PKHD1: variants seen among roughly 807,000 people sequenced by gnomAD.
PKHD1 encodes the protein fibrocystin.
Under a neutral mutation model 412.0 loss-of-function variants are expected in PKHD1, and 291 were observed. That is an observed-to-expected ratio of 0.71 (90% CI 0.64 to 0.78). The LOEUF (loss-of-function observed/expected upper bound fraction) is 0.78. Among genes scored for constraint, PKHD1 ranks in the 30% least tolerant of loss-of-function variants. PKHD1 has a pLI of 0.00. For synonymous variants in PKHD1, 1,777 were observed against 1,821.5 expected (o/e 0.98, Z 0.62); for missense variants, 4,825 against 4,950.7 (o/e 0.97, Z 0.76).
At chr6:51,692,054 C>T (rs942100758) in intron 60 of PKHD1, among the ~76,000 whole-genome samples, 2 of 152,078 alleles carry the variant, frequency 1.3e-5, no homozygotes, top group Admixed American at 6.6e-5. Flanking sequence ...CCTTTCTGGG[C>T]TTCCTCCCAT....
chr6:52,045,306 G>A (rs189047560), intron 24 of PKHD1, among the ~76,000 whole-genome samples: 69 of 152,326 alleles, frequency 4.5e-4, no homozygotes, highest in Non-Finnish European at 5.9e-5. Context: ...CAAGTGGATT[G>A]CCAAAAGAGG....
At position 51,922,650 on chromosome 6, in the gene PKHD1, G is replaced by A. The variant is rs187185364; in HGVS notation, c.6122-10074C>T. 2.4e-3 allele frequency among the ~76,000 whole-genome samples: 365 copies of A among 152,302 alleles called. 1 individual carries two copies. Among genetic ancestry groups the A allele is most frequent in the Non-Finnish European group, 4.3e-3 (290 of 68,024 alleles). ...TACCTACTCAAGCCTCAGCAATGGC[G>A]GATGCCCCTCCCCAAGCCTCGCTGC... On this transcript the variant is annotated intron_variant, in intron 37 of 66. Coordinates refer to ENST00000371117, the MANE Select transcript of PKHD1 (RefSeq NM_138694.4).
intron 35 of PKHD1, among the ~76,000 whole-genome samples, chr6:51,985,457 G>A (rs537855283): frequency 5.3e-5 from 8 of 152,310 alleles, no homozygotes; most frequent in Non-Finnish European, 8.8e-5. Context: ...GGCCGAGCGC[G>A]GTGGCTCATG....
intron 29 of PKHD1, among the ~76,000 whole-genome samples, chr6:52,029,527 C>A (rs1005557933): frequency 6.6e-6 from 1 of 152,016 alleles, no homozygotes; most frequent in Admixed American, 6.6e-5. Flanking sequence ...CAAATCAGAG[C>A]AACATTATGA....
intron 51 of PKHD1, among the ~76,000 whole-genome samples, chr6:51,833,052 C>T (rs1768546444): frequency 6.6e-6 from 1 of 152,228 alleles, no homozygotes; most frequent in African/African-American, 2.4e-5. Flanking sequence ...ACCCAAAATA[C>T]TCAGCTGGGG....
At position 52,043,180 on chromosome 6, in the gene PKHD1, GT is replaced by G. The variant is rs1264544453; in HGVS notation, c.2822-47del. ...AAAAAACAAATAAAATAATCTCTCA[GT>G]GATATTACTTCATTTGAGAGACCTC... On this transcript the variant is annotated intron_variant, in intron 26 of 66. Transcript: ENST00000371117. The G allele has an allele frequency of 2.1e-6, 3 of 1,442,466 alleles. No homozygotes were observed. The South Asian group carries it at 3.6e-5, about 17-fold the overall frequency. The allele number at this position is 1,442,466 out of a possible 1,614,324, so 89.4% of individuals were successfully genotyped here.
At chr6:51,979,403 T>A (rs1202400390) in intron 35 of PKHD1, among the ~76,000 whole-genome samples, 2 of 152,196 alleles carry the variant, frequency 1.3e-5, no homozygotes. Flanking sequence ...AAATGTTAAA[T>A]GGACGACCAT....
intron 60 of PKHD1, among the ~76,000 whole-genome samples, chr6:51,740,620 CATTA>C (rs1489484565): frequency 2.0e-5 from 3 of 152,162 alleles, no homozygotes; most frequent in African/African-American, 7.2e-5. Context: ...ACAAAATAGT[CATTA>C]ATTATCCTAA....
rs1384757344 is a variant in PKHD1 at position 51,855,965 on chromosome 6, C to G, written c.7839G>C (p.Trp2613Cys). 2 of 1,613,542 alleles carry G rather than the reference C, an allele frequency of 1.2e-6. No homozygotes were observed. The highest frequency in any genetic ancestry group is 3.3e-5 in the Admixed American group (2 of 60,032). Residue 2613 changes from tryptophan to cysteine, a missense_variant, in exon 49 of 67, where the codon TGG becomes TGC. Trp to Cys is a radical substitution (Grantham distance 215). Coordinates refer to ENST00000371117, the MANE Select transcript of PKHD1 (RefSeq NM_138694.4). ...VRDTLSNPRG[W>C]MALLLDQETY... is the part of the protein sequence containing the mutation. ...TCTCTTGGTCCAAGAGCAGAGCCAT[C>G]CAGCCACGAGGGTTAGACAATGTAT... is the stretch of plus-strand genomic sequence containing the variant.
In PKHD1 at chr6:51,628,519, A is replaced by T. The variant is rs1767553324; in HGVS notation, c.11666-1403T>A. 3.3e-5 allele frequency among the ~76,000 whole-genome samples: 5 copies of T among 152,186 alleles called. No individual in the cohort carries two copies. In the South Asian group the frequency reaches 1.0e-3, roughly 32 times the overall value. On this transcript the variant is annotated intron_variant, in intron 65 of 66. Coordinates refer to ENST00000371117, the MANE Select transcript of PKHD1 (RefSeq NM_138694.4). Reference sequence around the variant, plus strand: ...TGATTCCATGTCTTTGCTATTGTGAATAGTGCTGCAATAAACATTCAAATA... The same window carrying T: ...TGATTCCATGTCTTTGCTATTGTGATTAGTGCTGCAATAAACATTCAAATA...
intron 37 of PKHD1, among the ~76,000 whole-genome samples, chr6:51,913,409 G>A (rs2127671780): frequency 6.6e-6 from 1 of 152,110 alleles, no homozygotes; most frequent in East Asian, 1.9e-4. Flanking sequence ...ATACCAGCAT[G>A]CTAATCTCTA....
chr6:51,831,917 T>C (rs1768324345), intron 51 of PKHD1, among the ~76,000 whole-genome samples: 1 of 152,142 alleles, frequency 6.6e-6, no homozygotes, highest in Admixed American at 6.6e-5. Flanking sequence ...TATCTACTTG[T>C]TCTTTCCTGG....
At chr6:52,063,771 C>T (rs915087124) in intron 13 of PKHD1, among the ~76,000 whole-genome samples, 1 of 152,196 alleles carries the variant, frequency 6.6e-6, no homozygotes, top group Admixed American at 6.5e-5. Context: ...TGCTACGTGT[C>T]CCCCGAGGGG....
intron 60 of PKHD1, among the ~76,000 whole-genome samples, chr6:51,734,633 T>C (rs1438949932): frequency 1.3e-5 from 2 of 152,040 alleles, no homozygotes; most frequent in Non-Finnish European, 1.5e-5. Flanking sequence ...GTCCTCCATA[T>C]TCCTGAGTTC....
At chr6:52,035,835 C>T in intron 27 of PKHD1, 114 bp from the exon 28 acceptor site, 3 of 1,054,900 alleles carry the variant, frequency 2.8e-6, no homozygotes, top group Middle Eastern at 5.7e-4. Context: ...TTAGTCAAAA[C>T]AAAGGCAATG....
chr6:52,083,404 T>C (rs1812322993), intron 2 of PKHD1, 149 bp from the exon 3 acceptor site: 1 of 698,768 alleles, frequency 1.4e-6, no homozygotes, highest in Non-Finnish European at 2.6e-6. Flanking sequence ...CCAGAGTTTC[T>C]GGTTCCGTAG....
intron 64 of PKHD1, among the ~76,000 whole-genome samples, chr6:51,633,979 G>A (rs770227351): frequency 3.3e-5 from 5 of 151,812 alleles, no homozygotes; most frequent in African/African-American, 4.8e-5. Flanking sequence ...CATGGGAGTA[G>A]GCATTCATCA....
At chr6:51,718,877 T>C (rs1329576177) in intron 60 of PKHD1, among the ~76,000 whole-genome samples, 1 of 152,226 alleles carries the variant, frequency 6.6e-6, no homozygotes, top group Non-Finnish European at 1.5e-5. Context: ...GTTCAGAGTT[T>C]ATTTCACATT....
At position 51,924,395 on chromosome 6, in the gene PKHD1, T is replaced by C. The variant is rs543953186; in HGVS notation, c.6121+9715A>G. Among the ~76,000 whole-genome samples, 4 of 152,256 alleles carry C rather than the reference T, an allele frequency of 2.6e-5. No homozygotes were observed. The South Asian group carries it at 8.3e-4, about 32-fold the overall frequency. The stretch of plus-strand genomic sequence containing the variant: ...GAGTTGAAAAACAGGACAGAAGGTG[T>C]TAGCAGGAAGCTAAATAGCACCTAA... On this transcript the variant is annotated intron_variant, in intron 37 of 66. Transcript: ENST00000371117.
Sources: gnomAD v4.1 joint callset for allele counts (sites outside exome capture counted in the v4.1 genomes callset) on GRCh38, gnomAD v4.1.1 for gene constraint, MANE v1.5 for transcripts, NCBI Gene and HGNC (gene_info 2026-07-23, HGNC 2026-07-21) for gene names.